Variants in DCC observed in about 807,000 individuals in gnomAD.
The protein encoded by DCC is DCC netrin 1 receptor.
In DCC, 58 loss-of-function variants were observed where a neutral mutation model predicts 172.5. The observed-to-expected ratio is 0.34, with a 90% CI of 0.27 to 0.42. DCC has a LOEUF of 0.42. Ranked by LOEUF, DCC falls within the 10% of genes least tolerant of loss-of-function variation. The pLI is 1.00. For missense variants in DCC, 1,740 were observed against 1,791.0 expected, an observed-to-expected ratio of 0.97 and a Z score of 0.51; for synonymous variants, 709 against 644.5, an observed-to-expected ratio of 1.10 and a Z score of -1.52.
intron 1 of DCC, among the ~76,000 whole-genome samples, chr18:52,513,768 C>T (rs748325221): frequency 5.9e-5 from 9 of 152,164 alleles, no homozygotes; most frequent in Admixed American, 5.9e-4. Context: ...TATGGGCCTG[C>T]ACTCCTCAGT....
intron 1 of DCC, among the ~76,000 whole-genome samples, chr18:52,637,165 A>G (rs574012726): frequency 6.6e-6 from 1 of 152,304 alleles, no homozygotes; most frequent in East Asian, 1.9e-4. Context: ...AAGAATCTGA[A>G]CAACAGACTT....
intron 1 of DCC, among the ~76,000 whole-genome samples, chr18:52,720,083 G>A (rs1182685100): frequency 1.3e-5 from 2 of 152,052 alleles, no homozygotes; most frequent in Admixed American, 6.6e-5. Flanking sequence ...GGTATGATAC[G>A]GTGGCGCAGG....
At chr18:53,071,630 G>A (rs1015209525) in intron 7 of DCC, among the ~76,000 whole-genome samples, 2 of 152,200 alleles carry the variant, frequency 1.3e-5, no homozygotes, top group African/African-American at 2.4e-5. Flanking sequence ...GTGATGGAAA[G>A]TTAATTCAGT....
chr18:53,493,204 T>C (rs1216913606), intron 26 of DCC, among the ~76,000 whole-genome samples: 3 of 152,230 alleles, frequency 2.0e-5, no homozygotes, highest in Admixed American at 1.3e-4. Flanking sequence ...AAGTTGCTTA[T>C]CAGCTTAAGG....
chr18:52,836,283 T>C (rs1292239618), intron 2 of DCC, among the ~76,000 whole-genome samples: 4 of 152,120 alleles, frequency 2.6e-5, no homozygotes, highest in African/African-American at 9.7e-5. Flanking sequence ...CCTCTCAAAT[T>C]TCATGTCCTC....
rs191720036 is a variant in DCC, at chr18:52,382,343, A to G, written c.91+41465A>G. ...GACATATAATTGAAACAAAAGTTTT[A>G]TAAAGCTATATTAACCACAACTACA... On this transcript the variant is annotated intron_variant, in intron 1 of 28. Transcript: ENST00000442544. Among the ~76,000 whole-genome samples the G allele has an allele frequency of 4.3e-3, 658 of 152,266 alleles. 6 individuals are homozygous for G. The highest frequency in any genetic ancestry group is 5.4e-3 in the Non-Finnish European group (368 of 68,012).
chr18:53,160,315 C>T (rs2054815929), intron 8 of DCC, among the ~76,000 whole-genome samples: 1 of 152,124 alleles, frequency 6.6e-6, no homozygotes, highest in African/African-American at 2.4e-5. Context: ...TCTTACTATC[C>T]TTTATTTAGG....
At chr18:53,264,053 C>T (rs1424582784) in intron 12 of DCC, among the ~76,000 whole-genome samples, 1 of 152,120 alleles carries the variant, frequency 6.6e-6, no homozygotes, top group Non-Finnish European at 1.5e-5. Context: ...GTATTTTGCT[C>T]TTACAACCCA....
At chr18:53,131,491 T>C (rs1208538612) in intron 7 of DCC, among the ~76,000 whole-genome samples, 1 of 152,136 alleles carries the variant, frequency 6.6e-6, no homozygotes, top group African/African-American at 2.4e-5. Context: ...AAATTATTGA[T>C]GTTGCAGGAG....
intron 1 of DCC, among the ~76,000 whole-genome samples, chr18:52,440,422 A>G (rs1568171647): frequency 6.6e-6 from 1 of 152,082 alleles, no homozygotes; most frequent in African/African-American, 2.4e-5. Flanking sequence ...GTACTTCCAT[A>G]GCCATTTATT....
chr18:52,852,317 C>T (rs8095363), intron 2 of DCC, among the ~76,000 whole-genome samples: 1,679 of 152,098 alleles, frequency 0.011, 23 homozygotes, highest in African/African-American at 0.035. Context: ...GAAAGCAACA[C>T]GAGATTCCCA....
chr18:53,063,633 GAGAA>G (rs1406301920), intron 6 of DCC, 174 bp downstream of exon 6: 1 of 583,472 alleles, frequency 1.7e-6, no homozygotes, highest in African/African-American at 1.9e-5. Flanking sequence ...TATTTGAACT[GAGAA>G]AGAGTGATCA....
chr18:52,386,246 A>G (rs1213526994), intron 1 of DCC, among the ~76,000 whole-genome samples: 1 of 152,068 alleles, frequency 6.6e-6, no homozygotes, highest in Non-Finnish European at 1.5e-5. Flanking sequence ...CTGCCAGATT[A>G]CCAAACAACA....
At chr18:52,519,505 G>A (rs151298011) in intron 1 of DCC, among the ~76,000 whole-genome samples, 30 of 152,298 alleles carry the variant, frequency 2.0e-4, no homozygotes, top group African/African-American at 6.5e-4. Flanking sequence ...ATTTCCACTA[G>A]CTTTACTAGT....
At chr18:52,416,140 C>T (rs879178174) in intron 1 of DCC, among the ~76,000 whole-genome samples, 2 of 152,106 alleles carry the variant, frequency 1.3e-5, no homozygotes, top group Non-Finnish European at 2.9e-5. Flanking sequence ...ACTCAATAGT[C>T]ATTCAGGAGC....
chr18:52,958,271 A>G (rs1444602610), intron 5 of DCC, among the ~76,000 whole-genome samples: 1 of 152,030 alleles, frequency 6.6e-6, no homozygotes, highest in Non-Finnish European at 1.5e-5. Context: ...TGTGGTAACA[A>G]TCTATCAAAA....
chr18:52,638,676 A>C (rs1346794182), intron 1 of DCC, among the ~76,000 whole-genome samples: 1 of 152,132 alleles, frequency 6.6e-6, no homozygotes, highest in East Asian at 1.9e-4. Context: ...TCCCACATTT[A>C]TAAAACAATT....
chr18:52,817,684 C>T (rs749959592), intron 2 of DCC, among the ~76,000 whole-genome samples: 22 of 152,004 alleles, frequency 1.4e-4, no homozygotes. Flanking sequence ...TGTGTATGTA[C>T]ACGCATGCAT....
intron 5 of DCC, among the ~76,000 whole-genome samples, chr18:53,041,571 T>C (rs1263492422): frequency 1.3e-5 from 2 of 152,106 alleles, no homozygotes; most frequent in African/African-American, 2.4e-5. Flanking sequence ...GGTAGCTTGA[T>C]GGGAATAGTA....
Sources: gnomAD v4.1 joint callset for allele counts (sites outside exome capture counted in the v4.1 genomes callset) on GRCh38, gnomAD v4.1.1 for gene constraint, MANE v1.5 for transcripts, NCBI Gene and HGNC (gene_info 2026-07-23, HGNC 2026-07-21) for gene names.